Variants in STAG1 observed in about 807,000 individuals in gnomAD.
The protein encoded by STAG1 is STAG1 cohesin complex component.
A neutral mutation model predicts 170.9 loss-of-function variants in STAG1; 26 were observed. The observed-to-expected ratio is 0.15, with a 90% CI of 0.11 to 0.21. The LOEUF is 0.21. STAG1 is among the 10% of genes least tolerant of loss of function. The pLI is 1.00. For synonymous variants in STAG1, 514 were observed against 497.7 expected, an observed-to-expected ratio of 1.03 and a Z score of -0.44; for missense variants, 964 against 1,509.5, an observed-to-expected ratio of 0.64 and a Z score of 5.99.
intron 14 of STAG1, among the ~76,000 whole-genome samples, chr3:136,446,969 A>G (rs917187181): frequency 4.0e-5 from 6 of 149,300 alleles, no homozygotes; most frequent in Non-Finnish European, 7.4e-5. Context: ...CCACCCTGCT[A>G]ATTTTTGTAT....
At chr3:136,630,776 G>C in intron 2 of STAG1, 94 bp downstream of exon 2, 1 of 886,688 alleles carries the variant, frequency 1.1e-6, no homozygotes, top group Non-Finnish European at 1.8e-6. Flanking sequence ...GAACATATTT[G>C]AAATGTATCA....
At chr3:136,361,916 T>C (rs1936877057) in intron 26 of STAG1, among the ~76,000 whole-genome samples, 1 of 150,508 alleles carries the variant, frequency 6.6e-6, no homozygotes, top group African/African-American at 2.4e-5. Flanking sequence ...TTGGCTTTCA[T>C]TAATTATTAA....
At chr3:136,575,210 AC>A (rs1345281052) in intron 4 of STAG1, among the ~76,000 whole-genome samples, 8 of 152,218 alleles carry the variant, frequency 5.3e-5, no homozygotes, top group African/African-American at 1.9e-4. Context: ...CTAAGAATCT[AC>A]CTTTTTGGTA....
intron 1 of STAG1, among the ~76,000 whole-genome samples, chr3:136,739,823 T>A (rs1934565843): frequency 6.6e-6 from 1 of 151,370 alleles, no homozygotes; most frequent in Admixed American, 6.6e-5. Context: ...AGACTTCATC[T>A]CAAAAAAAAT....
chr3:136,447,420 G>C (rs2088814766), intron 14 of STAG1, among the ~76,000 whole-genome samples: 1 of 151,770 alleles, frequency 6.6e-6, no homozygotes, highest in Non-Finnish European at 1.5e-5. Context: ...AGTGAGCTAA[G>C]ATTCTGCCAC....
intron 15 of STAG1, among the ~76,000 whole-genome samples, chr3:136,436,186 C>T (rs1402864629): frequency 6.6e-6 from 1 of 151,458 alleles, no homozygotes; most frequent in African/African-American, 2.4e-5. Context: ...AAACTCCTGA[C>T]CTCAAGTGAT....
intron 7 of STAG1, among the ~76,000 whole-genome samples, chr3:136,512,501 C>T (rs1283792539): frequency 2.0e-5 from 3 of 152,184 alleles, no homozygotes; most frequent in South Asian, 2.1e-4. Context: ...ATGACACATT[C>T]ATTTTGGAAG....
At chr3:136,494,025 C>T (rs1231681006) in intron 9 of STAG1, among the ~76,000 whole-genome samples, 1 of 152,134 alleles carries the variant, frequency 6.6e-6, no homozygotes, top group Non-Finnish European at 1.5e-5. Flanking sequence ...AATCCTAGTA[C>T]TTTGGGAGGC....
chr3:136,377,532 G>A, intron 23 of STAG1, 128 bp downstream of exon 23: 1 of 668,472 alleles, frequency 1.5e-6, no homozygotes, highest in East Asian at 2.7e-5. Context: ...CTACAGTCTT[G>A]TTCCAGGTCC....
chr3:136,567,539 C>A (rs1389369494), intron 5 of STAG1, among the ~76,000 whole-genome samples: 1 of 152,152 alleles, frequency 6.6e-6, no homozygotes, highest in East Asian at 1.9e-4. Context: ...TTACAACCTC[C>A]CCACATTCAC....
chr3:136,407,778 A>T (rs2087523490), intron 21 of STAG1, among the ~76,000 whole-genome samples: 1 of 151,748 alleles, frequency 6.6e-6, no homozygotes, highest in Non-Finnish European at 1.5e-5. Flanking sequence ...TTAATTTAAA[A>T]AGCATTAGAC....
At chr3:136,364,887 A>G (rs1937016941) in intron 25 of STAG1, among the ~76,000 whole-genome samples, 1 of 152,230 alleles carries the variant, frequency 6.6e-6, no homozygotes, top group Non-Finnish European at 1.5e-5. Flanking sequence ...AAAGGCGAAC[A>G]GCTCAAAAGG....
chr3:136,644,317 T>G (rs1940915435), intron 1 of STAG1, among the ~76,000 whole-genome samples: 1 of 152,214 alleles, frequency 6.6e-6, no homozygotes, highest in Non-Finnish European at 1.5e-5. Context: ...AAGAACAAGT[T>G]AAGTGAAGTA....
chr3:136,571,983 G>A (rs903013397), intron 4 of STAG1, among the ~76,000 whole-genome samples: 2 of 152,108 alleles, frequency 1.3e-5, no homozygotes, highest in Admixed American at 6.5e-5. Flanking sequence ...AGGAGTTCCA[G>A]ACCAGCCTGG....
chr3:136,691,095 C>T (rs540458757), intron 1 of STAG1, among the ~76,000 whole-genome samples: 3 of 151,456 alleles, frequency 2.0e-5, no homozygotes, highest in Admixed American at 6.6e-5. Context: ...CCCAGGAGTT[C>T]GAGACCAGCC....
intron 14 of STAG1, among the ~76,000 whole-genome samples, chr3:136,448,279 C>T (rs571532112): frequency 6.6e-6 from 1 of 152,284 alleles, no homozygotes; most frequent in African/African-American, 2.4e-5. Flanking sequence ...GTGTACTGGT[C>T]TGTTCTCATG....
chr3:136,490,503 C>T (rs1464543912), intron 9 of STAG1, among the ~76,000 whole-genome samples: 4 of 152,114 alleles, frequency 2.6e-5, no homozygotes, highest in East Asian at 1.9e-4. Flanking sequence ...CCCTGCATTA[C>T]GCCTTAATAT....
At chr3:136,574,970 A>G (rs982585346) in intron 4 of STAG1, among the ~76,000 whole-genome samples, 3 of 152,234 alleles carry the variant, frequency 2.0e-5, no homozygotes, top group African/African-American at 4.8e-5. Flanking sequence ...CTCTCTTGCA[A>G]TAACAGATTT....
chr3:136,427,846 A>T (rs2088178561), intron 16 of STAG1, among the ~76,000 whole-genome samples: 1 of 152,180 alleles, frequency 6.6e-6, no homozygotes, highest in Non-Finnish European at 1.5e-5. Flanking sequence ...ATATAATAAC[A>T]ACTTAAAGCC....
Sources: allele counts gnomAD v4.1 joint callset (sites outside exome capture counted in the v4.1 genomes callset), GRCh38; gene constraint gnomAD v4.1.1; transcripts MANE v1.5; gene names NCBI Gene and HGNC (gene_info 2026-07-23, HGNC 2026-07-21).